The following LYG1 variants were observed in gnomAD, a reference collection of about 807,000 sequenced individuals.
LYG1 encodes the protein lysozyme g1.
A neutral mutation model predicts 21.7 loss-of-function variants in LYG1; 17 were observed. The ratio of observed to expected loss-of-function variants is 0.78; its 90% CI spans 0.54 to 1.18. The LOEUF (loss-of-function observed/expected upper bound fraction) is 1.18, where lower values mean the gene tolerates loss of function less well. Ranked by LOEUF, LYG1 falls within the 50% of genes most tolerant of loss-of-function variation. LYG1 has a pLI of 0.00. For synonymous variants in LYG1, 81 were observed against 87.4 expected (o/e 0.93, Z 0.41); for missense variants, 211 against 238.1 (o/e 0.89, Z 0.75).
intron 2 of LYG1, among the ~76,000 whole-genome samples, chr2:99,297,468 G>GA (rs1214514101): frequency 6.6e-6 from 1 of 152,090 alleles, no homozygotes; most frequent in South Asian, 2.1e-4. Context: ...TTCCAGGAAA[G>GA]AAAAAATACT....
In LYG1 at chr2:99,284,364, G is replaced by T; in HGVS notation, c.*29C>A. 6.3e-7 allele frequency: 1 copy of T among 1,598,650 alleles called. No homozygotes were observed. The highest frequency in any genetic ancestry group is 1.1e-5 in the South Asian group (1 of 90,530). On this transcript the variant is annotated 3_prime_UTR_variant, in exon 7 of 7. Transcript: ENST00000308528. ...GTGTAACATTTGAGGCTGCATATGT[G>T]ATCATGGTCTTGGGTTTCATCTGAG...
upstream of LYG1, among the ~76,000 whole-genome samples, chr2:99,303,138 T>C (rs976281837): frequency 6.6e-6 from 1 of 151,846 alleles, no homozygotes; most frequent in African/African-American, 2.4e-5. Context: ...GAACTTTAAC[T>C]CTGGGAGGGG....
At chr2:99,295,590 C>G in intron 3 of LYG1, 38 bp downstream of exon 3, 1 of 1,612,084 alleles carries the variant, frequency 6.2e-7, no homozygotes, top group Non-Finnish European at 8.5e-7. Flanking sequence ...TTATCCTTCC[C>G]ATCTCCAAAG....
chr2:99,284,972 G>GTTA, intron 5 of LYG1, 152 bp from the exon 6 acceptor site: 2 of 1,097,626 alleles, frequency 1.8e-6, no homozygotes, highest in Non-Finnish European at 2.5e-6. Context: ...TGTGAGGTAG[G>GTTA]TTAGATAGGG....
At chr2:99,288,381 T>A (rs1471812254) in intron 5 of LYG1, among the ~76,000 whole-genome samples, 1 of 152,220 alleles carries the variant, frequency 6.6e-6, no homozygotes, top group African/African-American at 2.4e-5. Context: ...GTTTCTCACA[T>A]AAACCATGTA....
intron 3 of LYG1, 86 bp from the exon 4 acceptor site, chr2:99,292,726 T>C (rs2094123758): frequency 1.2e-6 from 1 of 822,102 alleles, no homozygotes; most frequent in African/African-American, 1.7e-5. Flanking sequence ...TTAATAAAAG[T>C]AACAATAATA....
upstream of LYG1, among the ~76,000 whole-genome samples, chr2:99,303,174 G>A (rs955497112): frequency 2.0e-5 from 3 of 151,974 alleles, no homozygotes; most frequent in South Asian, 2.1e-4. Flanking sequence ...GGTTCCTCTC[G>A]GTTGTTGGCA....
intron 5 of LYG1, among the ~76,000 whole-genome samples, chr2:99,289,889 C>T (rs1425198051): frequency 1.3e-5 from 2 of 151,696 alleles, no homozygotes; most frequent in African/African-American, 2.4e-5. Flanking sequence ...GATGGAGTCT[C>T]GCTCTCTCGC....
rs370676133 is a variant in LYG1 at position 99,284,393 on chromosome 2, T to C, written c.585A>G (p.Ter195=). 45 of 1,613,644 alleles carry C rather than the reference T, an allele frequency of 2.8e-5. No homozygotes were observed. The highest frequency in any genetic ancestry group is 3.4e-5 in the Non-Finnish European group (40 of 1,179,654). Reference sequence around the variant, plus strand: ...ATGGTCTTGGGTTTCATCTGAGATGTTAGAAGCCATGTCTCTTGAGGTACT... The same window carrying C: ...ATGGTCTTGGGTTTCATCTGAGATGCTAGAAGCCATGTCTCTTGAGGTACT... ...RAKYLKRHGF[*] The change falls in exon 7 of 7, where the codon TAA becomes TAG. Residue 195 remains the stop codon, a stop_retained_variant. Transcript: ENST00000308528.
At chr2:99,292,402 C>T in intron 4 of LYG1, 134 bp downstream of exon 4, 2 of 655,910 alleles carry the variant, frequency 3.0e-6, no homozygotes, top group Non-Finnish European at 5.4e-6. Context: ...GATGCAGGGG[C>T]AGCTAAGTGA....
chr2:99,292,368 C>T (rs1051532063), intron 4 of LYG1, among the ~76,000 whole-genome samples, 168 bp downstream of exon 4: 3 of 152,192 alleles, frequency 2.0e-5, no homozygotes, highest in Non-Finnish European at 4.4e-5. Flanking sequence ...CTGTAAATAC[C>T]GTACTGCTAG....
chr2:99,284,535 T>C (rs969442108), intron 6 of LYG1, 24 bp from the exon 7 acceptor site: 2 of 1,610,152 alleles, frequency 1.2e-6, no homozygotes, highest in African/African-American at 2.7e-5. Context: ...GATAGGTTAA[T>C]GCTGACCTAG....
At chr2:99,289,839 GT>G (rs1356115127) in intron 5 of LYG1, among the ~76,000 whole-genome samples, 8 of 134,748 alleles carry the variant, frequency 5.9e-5, no homozygotes, top group South Asian at 4.6e-4. Flanking sequence ...GAATTCTCTT[GT>G]TTGTTGTTGT....
In LYG1 at chr2:99,291,222, C is replaced by T. The variant is rs199535642; in HGVS notation, c.333+15G>A. ...ATAGCAGAATGGCCACATGTGTCAA[C>T]GGATGAAGAGTTACCTGCACCATGC... On this transcript the variant is annotated intron_variant, in intron 5 of 6. Transcript: ENST00000308528. The T allele has an allele frequency of 6.0e-5, 96 of 1,610,186 alleles. No homozygotes were observed. Among genetic ancestry groups the T allele is most frequent in the African/African-American group, 1.7e-4 (13 of 74,956 alleles).
At chr2:99,302,816 C>T (rs1300448778), upstream of LYG1, among the ~76,000 whole-genome samples, 3 of 151,870 alleles carry the variant, frequency 2.0e-5, no homozygotes, top group African/African-American at 4.8e-5. Flanking sequence ...GTCAGGAGTT[C>T]GGACCAGCCT....
upstream of LYG1, among the ~76,000 whole-genome samples, chr2:99,301,473 A>AAGGGAAGGAAGAAAGAAAAGGAAG (rs2094153803): frequency 1.4e-5 from 1 of 71,196 alleles, no homozygotes; most frequent in Non-Finnish European, 3.2e-5. Context: ...GGAAGGGAGG[A>AAGGGAAGGAAGAAAGAAAAGGAAG]AGGGAAGGAA....
In LYG1 at chr2:99,291,252, C is replaced by T; in HGVS notation, c.318G>A (p.Arg106=). The change falls in exon 5 of 7, where the codon AGG becomes AGA. Residue 106 remains arginine, a synonymous_variant. Coordinates refer to ENST00000308528, the MANE Select transcript of LYG1 (RefSeq NM_174898.3). ...GAAGAGTTACCTGCACCATGCTAGT[C>T]CTATCGCCCATGTTGACCAGAATTT... ...GDKILVNMGD[R]TSMVQDPGSQ... The T allele has an allele frequency of 2.5e-6, 4 of 1,614,104 alleles. No homozygotes were observed. The highest frequency in any genetic ancestry group is 3.4e-6 in the Non-Finnish European group (4 of 1,180,014).
intron 6 of LYG1, 48 bp from the exon 7 acceptor site, chr2:99,284,559 T>A: frequency 6.3e-7 from 1 of 1,598,890 alleles, no homozygotes; most frequent in African/African-American, 1.3e-5. Context: ...ACTCAGCAGT[T>A]AACTCTGATT....
upstream of LYG1, among the ~76,000 whole-genome samples, chr2:99,303,781 G>A (rs1039918007): frequency 7.2e-5 from 11 of 152,168 alleles, no homozygotes; most frequent in Non-Finnish European, 1.0e-4. Context: ...TGCATTGTGG[G>A]AGGGACACAG....
Sources: gnomAD v4.1 joint callset for allele counts (sites outside exome capture counted in the v4.1 genomes callset) on GRCh38, gnomAD v4.1.1 for gene constraint, MANE v1.5 for transcripts, NCBI Gene and HGNC (gene_info 2026-07-23, HGNC 2026-07-21) for gene names.